SFTPA1: variants seen among roughly 807,000 people sequenced by gnomAD.
SFTPA1 encodes pulmonary surfactant-associated protein A1.
A neutral mutation model predicts 19.1 loss-of-function variants in SFTPA1; 13 were observed. The ratio of observed to expected loss-of-function variants is 0.68; its 90% CI spans 0.44 to 1.08. The LOEUF (loss-of-function observed/expected upper bound fraction) is 1.08. Among genes scored for constraint, SFTPA1 ranks in the 50% least tolerant of loss-of-function variants. The probability of loss-of-function intolerance (pLI) is 0.00; values close to 1 mark genes in which losing one functional copy is unlikely to be tolerated. For missense variants in SFTPA1, 259 were observed against 316.4 expected (o/e 0.82, Z 1.38); for synonymous variants, 101 against 117.0 (o/e 0.86, Z 0.88).
chr10:79,613,545 C>T (rs964666072), intron 5 of SFTPA1, among the ~76,000 whole-genome samples, 192 bp from the exon 6 acceptor site: 1 of 152,102 alleles, frequency 6.6e-6, no homozygotes, highest in Admixed American at 6.5e-5. Context: ...GTAATTGTTA[C>T]TTAGGTGAAT....
chr10:79,613,330 C>T, intron 5 of SFTPA1, 64 bp downstream of exon 5: 2 of 1,606,330 alleles, frequency 1.2e-6, no homozygotes, highest in Admixed American at 1.7e-5. Context: ...ATTCTCAGCA[C>T]CAGCTTCTAG....
At position 79,614,910 on chromosome 10, in the gene SFTPA1, C is replaced by A; in HGVS notation, c.*797C>A. ...GGCATTCACACCACCCCCCACACCA[C>A]TGGCTCTGCTTTCTCCTTTCATTAA... On this transcript the variant is annotated 3_prime_UTR_variant, in exon 6 of 6. Transcript: ENST00000398636. 1 of 1,114,606 alleles carries A rather than the reference C, an allele frequency of 9.0e-7. No individual in the cohort carries two copies. The highest frequency in any genetic ancestry group is 1.2e-6 in the Non-Finnish European group (1 of 831,314). The allele number at this position is 1,114,606 out of a possible 1,614,324, so 69.0% of individuals were successfully genotyped here. A position where few individuals can be genotyped will look rare whatever the true frequency, so the allele number is the denominator to read the frequency against.
At position 79,614,736 on chromosome 10, in the gene SFTPA1, C is replaced by T. The variant is rs977047103; in HGVS notation, c.*623C>T. On this transcript the variant is annotated 3_prime_UTR_variant, in exon 6 of 6. Transcript: ENST00000398636. ...AACCCCATGATTGATGTGTACGATT[C>T]ACTCCTTTGAGTCTTTGAATGGCAA... 2.7e-5 allele frequency: 9 copies of T among 334,298 alleles called. No individual in the cohort carries two copies. The highest frequency in any genetic ancestry group is 4.9e-5 in the Non-Finnish European group (8 of 163,792). 20.7% of individuals were successfully genotyped at this position (334,298 alleles called of 1,614,324 possible). A position where few individuals can be genotyped will look rare whatever the true frequency, so the allele number is the denominator to read the frequency against.
In SFTPA1 at chr10:79,614,021, C is replaced by G; in HGVS notation, c.655C>G (p.Arg219Gly). ...CTGGTACCGAGGGGAGCCCGCAGGT[C>G]GGGGAAAAGAGCAGTGTGTGGAGAT... ...TNWYRGEPAG[R>G]GKEQCVEMYT... is the part of the protein sequence containing the mutation. Residue 219 changes from arginine to glycine, a missense_variant, in exon 6 of 6, where the codon CGG (arginine) becomes GGG (glycine). Coordinates refer to ENST00000398636, the MANE Select transcript of SFTPA1 (RefSeq NM_005411.5). 6.2e-7 allele frequency: 1 copy of G among 1,614,100 alleles called. No homozygotes were observed. The highest frequency in any genetic ancestry group is 2.2e-5 in the East Asian group (1 of 44,878).
At position 79,614,098 on chromosome 10, in the gene SFTPA1, C is replaced by T; in HGVS notation, c.732C>T (p.Thr244=). 1 of 1,614,194 alleles carries T rather than the reference C, an allele frequency of 6.2e-7. No individual in the cohort carries two copies. Among genetic ancestry groups the T allele is most frequent in the Non-Finnish European group, 8.5e-7 (1 of 1,180,030 alleles). The change falls in exon 6 of 6, where the codon ACC becomes ACT. Residue 244 remains threonine, a synonymous_variant. Coordinates refer to ENST00000398636, the MANE Select transcript of SFTPA1 (RefSeq NM_005411.5). The stretch of plus-strand genomic sequence containing the variant: ...GGAACTGCCTGTACTCCCGACTGAC[C>T]ATCTGTGAGTTCTGAGAGGCATTTA... ...NDRNCLYSRL[T]ICEF is the part of the protein sequence containing the mutation.
In SFTPA1 at chr10:79,611,973, C is replaced by G. The variant is rs1136450; in HGVS notation, c.148C>G (p.Leu50Val). 0.57 allele frequency: 749,508 copies of G among 1,322,774 alleles called. 258,923 individuals are homozygous for G. Among genetic ancestry groups the G allele is most frequent in the Non-Finnish European group, 0.62 (571,057 of 920,266 alleles). The allele number at this position is 1,322,774 out of a possible 1,614,324, so 81.9% of individuals were successfully genotyped here. Residue 50 changes from leucine (L) to valine (V), a missense_variant, in exon 3 of 6, where the codon CTC becomes GTC. Transcript: ENST00000398636. ...GLPGRDGRDG[L>V]KGDPGPPGPM... ...GCCAGGCAGGGACGGGAGAGATGGT[C>G]TCAAAGGAGACCCTGGCCCTCCAGG... is the stretch of plus-strand genomic sequence containing the variant.
At position 79,614,710 on chromosome 10, in the gene SFTPA1, C is replaced by T. The variant is rs1860067783; in HGVS notation, c.*597C>T. 3.4e-6 allele frequency: 1 copy of T among 293,902 alleles called. No individual in the cohort carries two copies. The highest frequency in any genetic ancestry group is 6.9e-6 in the Non-Finnish European group (1 of 145,062). 18.2% of individuals were successfully genotyped at this position (293,902 alleles called of 1,614,324 possible). On this transcript the variant is annotated 3_prime_UTR_variant, in exon 6 of 6. Transcript: ENST00000398636. ...TGTTCCAGCAGGGTGGTGGCCAAGC[C>T]AACCCCATGATTGATGTGTACGATT... is the stretch of plus-strand genomic sequence containing the variant.
Position 79,611,871 on chromosome 10 carries a change from T to C in SFTPA1, c.46T>C (p.Ser16Pro), listed in dbSNP as rs1229944282. 3.1e-6 allele frequency: 5 copies of C among 1,613,964 alleles called. No homozygotes were observed. The highest frequency in any genetic ancestry group is 4.2e-6 in the Non-Finnish European group (5 of 1,179,852). The stretch of plus-strand genomic sequence containing the variant: ...CCTCAACCTCATCTTGATGGCAGCC[T>C]CTGGTGCTGTGTGCGAAGTGAAGGA... Reference protein sequence around the residue: ...LALNLILMAASGAVCEVKDVC... With the variant: ...LALNLILMAAPGAVCEVKDVC... Residue 16 changes from serine to proline, a missense_variant, in exon 3 of 6, where the codon TCT becomes CCT. By Grantham distance (74) the Ser-to-Pro change is moderately conservative. Coordinates refer to ENST00000398636, the MANE Select transcript of SFTPA1 (RefSeq NM_005411.5).
rs2132145036 is a variant in SFTPA1 at position 79,614,667 on chromosome 10, G to C, written c.*554G>C. The C allele has an allele frequency of 3.6e-6, 1 of 278,446 alleles. No individual in the cohort carries two copies. The highest frequency in any genetic ancestry group is 4.1e-5 in the South Asian group (1 of 24,394). 17.2% of individuals were successfully genotyped at this position (278,446 alleles called of 1,614,324 possible). On this transcript the variant is annotated 3_prime_UTR_variant, in exon 6 of 6. Coordinates refer to ENST00000398636, the MANE Select transcript of SFTPA1 (RefSeq NM_005411.5). ...GCAGGCCTGGTCAGGCTCTCCATGA[G>C]GTTAGAAGGCCAGGTAGTGTTCCAG...
In SFTPA1 at chr10:79,614,918, G is replaced by T; in HGVS notation, c.*805G>T. ...CACCACCCCCCACACCACTGGCTCTGCTTTCTCCTTTCATTAATCCATTCA... is the reference window on the plus strand; with the variant it reads ...CACCACCCCCCACACCACTGGCTCTTCTTTCTCCTTTCATTAATCCATTCA... On this transcript the variant is annotated 3_prime_UTR_variant, in exon 6 of 6. Transcript: ENST00000398636. 3 of 1,175,814 alleles carry T rather than the reference G, an allele frequency of 2.6e-6. No homozygotes were observed. Among genetic ancestry groups the T allele is most frequent in the Non-Finnish European group, 3.4e-6 (3 of 882,692 alleles). The allele number at this position is 1,175,814 out of a possible 1,614,324, so 72.8% of individuals were successfully genotyped here. A position where few individuals can be genotyped will look rare whatever the true frequency, so the allele number is the denominator to read the frequency against.
rs557647112 is a variant in SFTPA1 at position 79,613,371 on chromosome 10, G to A, written c.370+105G>A. On this transcript the variant is annotated intron_variant, in intron 5 of 5. Coordinates refer to ENST00000398636, the MANE Select transcript of SFTPA1 (RefSeq NM_005411.5). The stretch of plus-strand genomic sequence containing the variant: ...AGAGATTACAAATAGGCATGCACAT[G>A]CAGGTCTTGGGGAAAGGAATGACGC... 2.7e-5 allele frequency: 42 copies of A among 1,534,670 alleles called. No homozygotes were observed. The African/African-American group carries it at 4.6e-4, about 17-fold the overall frequency.
At chr10:79,613,026 A>G (rs1197653887) in intron 4 of SFTPA1, among the ~76,000 whole-genome samples, 163 bp from the exon 5 acceptor site, 1 of 151,598 alleles carries the variant, frequency 6.6e-6, no homozygotes, top group Non-Finnish European at 1.5e-5. Context: ...GGGTGTGGAG[A>G]CACACTGGAA....
At position 79,614,689 on chromosome 10, in the gene SFTPA1, C is replaced by T. The variant is rs1390687648; in HGVS notation, c.*576C>T. 1 of 286,262 alleles carries T rather than the reference C, an allele frequency of 3.5e-6. No homozygotes were observed. The highest frequency in any genetic ancestry group is 7.0e-6 in the Non-Finnish European group (1 of 143,820). The allele number at this position is 286,262 out of a possible 1,614,324, so 17.7% of individuals were successfully genotyped here. Reference sequence around the variant, plus strand: ...TGAGGTTAGAAGGCCAGGTAGTGTTCCAGCAGGGTGGTGGCCAAGCCAACC... The same window carrying T: ...TGAGGTTAGAAGGCCAGGTAGTGTTTCAGCAGGGTGGTGGCCAAGCCAACC... On this transcript the variant is annotated 3_prime_UTR_variant, in exon 6 of 6. Coordinates refer to ENST00000398636, the MANE Select transcript of SFTPA1 (RefSeq NM_005411.5).
chr10:79,613,695 A>T (rs750631322), intron 5 of SFTPA1, 42 bp from the exon 6 acceptor site: 7 of 1,613,786 alleles, frequency 4.3e-6, no homozygotes, highest in Non-Finnish European at 5.9e-6. Flanking sequence ...TGGCTTAGAG[A>T]CAAAGTGGTC....
chr10:79,614,957 T>C lies in SFTPA1; in HGVS notation c.*844T>C. ...TTAATCCATTCACCCAGATATTTCATTAAAATTATCACGTGCCAGGTCTTA... is the reference window on the plus strand; with the variant it reads ...TTAATCCATTCACCCAGATATTTCACTAAAATTATCACGTGCCAGGTCTTA... On this transcript the variant is annotated 3_prime_UTR_variant, in exon 6 of 6. Coordinates refer to ENST00000398636, the MANE Select transcript of SFTPA1 (RefSeq NM_005411.5). The C allele has an allele frequency of 7.7e-7, 1 of 1,294,590 alleles. No individual in the cohort carries two copies. The highest frequency in any genetic ancestry group is 1.5e-5 in the African/African-American group (1 of 65,694). The allele number at this position is 1,294,590 out of a possible 1,614,324, so 80.2% of individuals were successfully genotyped here.
At position 79,613,044 on chromosome 10, in the gene SFTPA1, G is replaced by T. The variant is rs1395223078; in HGVS notation, c.293-145G>T. On this transcript the variant is annotated intron_variant, in intron 4 of 5. Coordinates refer to ENST00000398636, the MANE Select transcript of SFTPA1 (RefSeq NM_005411.5). ...TGTGGAGACACACTGGAATCTTGTG[G>T]ACCCTCTGAGCCTAGGGTCTGGGTG... The T allele has an allele frequency of 2.6e-6, 4 of 1,530,872 alleles. No homozygotes were observed. In the Admixed American group the frequency reaches 8.7e-5, roughly 33 times the overall value. The allele number at this position is 1,530,872 out of a possible 1,614,324, so 94.8% of individuals were successfully genotyped here. A position where few individuals can be genotyped will look rare whatever the true frequency, so the allele number is the denominator to read the frequency against.
rs1059049 is a variant in SFTPA1, at chr10:79,612,336, T to C, written c.197T>C (p.Met66Thr). The stretch of plus-strand genomic sequence containing the variant: ...GGCCCCATGGGTCCACCTGGAGAAA[T>C]GCCATGTCCTCCTGGAAATGATGGG... ...PPGPMGPPGE[M>T]PCPPGNDGLP... The change falls in exon 4 of 6, where the codon ATG (methionine) becomes ACG (threonine). Residue 66 changes from methionine (M) to threonine (T), a missense_variant. By Grantham distance (81) the Met-to-Thr change is moderately conservative. Coordinates refer to ENST00000398636, the MANE Select transcript of SFTPA1 (RefSeq NM_005411.5). 459 of 1,613,656 alleles carry C rather than the reference T, an allele frequency of 2.8e-4. No homozygotes were observed. Among genetic ancestry groups the C allele is most frequent in the Non-Finnish European group, 3.5e-4 (414 of 1,179,832 alleles).
intron 4 of SFTPA1, 81 bp from the exon 5 acceptor site, chr10:79,613,108 C>T (rs1859959215): frequency 5.6e-6 from 9 of 1,611,692 alleles, no homozygotes; most frequent in Non-Finnish European, 7.6e-6. Flanking sequence ...TCCAGGATTG[C>T]AGATGGCAAA....
chr10:79,611,371 A>G lies in SFTPA1; in HGVS notation c.-42A>G, dbSNP rs1391563438. On this transcript the variant is annotated 5_prime_UTR_variant, in exon 2 of 6. Coordinates refer to ENST00000398636, the MANE Select transcript of SFTPA1 (RefSeq NM_005411.5). ...AAAGTAACACAGCAGGGATGAGGAC[A>G]GATGGTGTGAGTCAGTGAGTGAGTG... 3.6e-6 allele frequency: 2 copies of G among 549,992 alleles called. No individual in the cohort carries two copies. Among genetic ancestry groups the G allele is most frequent in the Non-Finnish European group, 6.5e-6 (2 of 308,828 alleles). The allele number at this position is 549,992 out of a possible 1,614,324, so 34.1% of individuals were successfully genotyped here.
Sources: gnomAD v4.1 joint callset for allele counts (sites outside exome capture counted in the v4.1 genomes callset) on GRCh38, gnomAD v4.1.1 for gene constraint, MANE v1.5 for transcripts, NCBI Gene and HGNC (gene_info 2026-07-23, HGNC 2026-07-21) for gene names.